COMMD6: variants seen among roughly 807,000 people sequenced by gnomAD.
COMMD6 encodes the protein COMM domain containing 6.
In COMMD6, 11 loss-of-function variants were observed where a neutral mutation model predicts 13.4. The observed-to-expected ratio is 0.82, with a 90% CI of 0.52 to 1.36. The LOEUF is 1.36. COMMD6 is among the 40% of genes most tolerant of loss of function. The probability of loss-of-function intolerance (pLI) is 0.00; values close to 1 mark genes in which losing one functional copy is unlikely to be tolerated. For synonymous variants in COMMD6, 43 were observed against 36.5 expected (o/e 1.18, Z -0.64); for missense variants, 124 against 102.4 (o/e 1.21, Z -0.91).
At chr13:75,540,794 C>A (rs944177592), upstream of COMMD6, among the ~76,000 whole-genome samples, 21 of 152,162 alleles carry the variant, frequency 1.4e-4, no homozygotes, top group Non-Finnish European at 1.5e-5. Context: ...TTTTGGAGCT[C>A]TTACAGTAAG....
chr13:75,539,723 G>T (rs58213492), upstream of COMMD6, among the ~76,000 whole-genome samples: 6,687 of 152,070 alleles, frequency 0.044, 513 homozygotes, highest in African/African-American at 0.15. Context: ...ATTAGTTAAT[G>T]CATGTTAAGC....
At chr13:75,531,117 A>T (rs987465403) in intron 2 of COMMD6, among the ~76,000 whole-genome samples, 1 of 152,194 alleles carries the variant, frequency 6.6e-6, no homozygotes, top group Non-Finnish European at 1.5e-5. Context: ...TACAAAACTA[A>T]TGCTCACTGG....
chr13:75,540,892 C>T (rs574539080), upstream of COMMD6, among the ~76,000 whole-genome samples: 5 of 152,198 alleles, frequency 3.3e-5, no homozygotes, highest in Non-Finnish European at 4.4e-5. Flanking sequence ...ATGTAAAAAA[C>T]GAAATTGGTA....
rs1336099560 is a variant in COMMD6 at position 75,525,905 on chromosome 13, AAC to A, written c.*682_*683del. ...ACAACAGGTTTATGTATTTAAATTC[AAC>A]AGAGATCATCTAATGCAATAACTTG... is the stretch of plus-strand genomic sequence containing the variant. On this transcript the variant is annotated 3_prime_UTR_variant, in exon 4 of 4. Transcript: ENST00000682242. The A allele has an allele frequency of 1.3e-5, 2 of 152,264 alleles. No homozygotes were observed. Among genetic ancestry groups the A allele is most frequent in the Non-Finnish European group, 2.9e-5 (2 of 68,048 alleles). The allele number at this position is 152,264 out of a possible 1,614,324, so 9.4% of individuals were successfully genotyped here. A position where few individuals can be genotyped will look rare whatever the true frequency, so the allele number is the denominator to read the frequency against.
At chr13:75,537,337 T>A (rs1159867625) in intron 2 of COMMD6, 2 of 1,550,430 alleles carry the variant, frequency 1.3e-6, no homozygotes, top group African/African-American at 2.7e-5. Context: ...TGCGGTGCTA[T>A]CTCTGCAAAT....
chr13:75,531,962 A>C (rs1383302119), intron 2 of COMMD6, among the ~76,000 whole-genome samples: 4 of 152,266 alleles, frequency 2.6e-5, no homozygotes, highest in African/African-American at 9.6e-5. Flanking sequence ...GTTCAACAGA[A>C]ATAAAATGGA....
At chr13:75,540,436 G>A (rs35596538), upstream of COMMD6, among the ~76,000 whole-genome samples, 22,024 of 151,536 alleles carry the variant, frequency 0.15, 1,686 homozygotes, top group African/African-American at 0.17. Context: ...ATTTTAAAAG[G>A]TATTTTTTGT....
upstream of COMMD6, among the ~76,000 whole-genome samples, chr13:75,538,283 C>T (rs1336962186): frequency 1.3e-5 from 2 of 152,244 alleles, no homozygotes; most frequent in South Asian, 2.1e-4. Context: ...GTGGGCGGGG[C>T]ATGCTTTCCA....
chr13:75,527,968 G>A (rs745742061), intron 3 of COMMD6: 71 of 1,172,114 alleles, frequency 6.1e-5, no homozygotes, highest in Non-Finnish European at 7.3e-5. Flanking sequence ...TTGTTTACTT[G>A]AAATTTGCTA....
chr13:75,546,911 G>A (rs961203250), intron 1 of COMMD6, among the ~76,000 whole-genome samples: 1 of 152,186 alleles, frequency 6.6e-6, no homozygotes, highest in African/African-American at 2.4e-5. Context: ...GGGAAATACA[G>A]GTTAGGTTCC....
At chr13:75,543,293 G>T (rs1196102677), upstream of COMMD6, among the ~76,000 whole-genome samples, 1 of 152,028 alleles carries the variant, frequency 6.6e-6, no homozygotes, top group Non-Finnish European at 1.5e-5. Flanking sequence ...ATTTACCCAT[G>T]TAACAAACCT....
At chr13:75,540,339 CACA>C (rs2030806010), upstream of COMMD6, among the ~76,000 whole-genome samples, 1 of 103,664 alleles carries the variant, frequency 9.6e-6, no homozygotes, top group Non-Finnish European at 1.9e-5. Flanking sequence ...CACACACACA[CACA>C]CCCACACACA....
At chr13:75,540,344 CCACACACACACA>C (rs59520333), upstream of COMMD6, among the ~76,000 whole-genome samples, 1 of 147,276 alleles carries the variant, frequency 6.8e-6, no homozygotes. Flanking sequence ...ACACACACAC[CCACACACACACA>C]CACACACACA....
intron 2 of COMMD6, chr13:75,537,359 C>A: frequency 6.4e-7 from 1 of 1,550,756 alleles, no homozygotes; most frequent in Non-Finnish European, 8.7e-7. Context: ...TTCCTAACTT[C>A]TTTATCCAAC....
upstream of COMMD6, among the ~76,000 whole-genome samples, chr13:75,539,477 T>A (rs1377641408): frequency 1.3e-5 from 2 of 152,086 alleles, no homozygotes; most frequent in South Asian, 4.1e-4. Flanking sequence ...TGTCCTCACG[T>A]AATCCACCCA....
At chr13:75,537,241 T>C in intron 2 of COMMD6, 1 of 1,340,298 alleles carries the variant, frequency 7.5e-7, no homozygotes, top group Admixed American at 2.5e-5. Flanking sequence ...GTCAAATTCA[T>C]ATTCCTAGCA....
At chr13:75,535,338 AAAGCTCT>A (rs2030628108) in intron 2 of COMMD6, among the ~76,000 whole-genome samples, 2 of 152,230 alleles carry the variant, frequency 1.3e-5, no homozygotes, top group African/African-American at 4.8e-5. Context: ...AATCTCTTAA[AAAGCTCT>A]GAGTAGCGGA....
chr13:75,547,036 A>T (rs2030914995), intron 1 of COMMD6, among the ~76,000 whole-genome samples: 1 of 152,330 alleles, frequency 6.6e-6, no homozygotes, highest in Admixed American at 6.5e-5. Context: ...ATTAGCATTG[A>T]ACTACAGCCA....
chr13:75,526,678 T>C (rs2030275628), intron 3 of COMMD6, 39 bp from the exon 4 acceptor site: 1 of 1,425,542 alleles, frequency 7.0e-7, no homozygotes, highest in African/African-American at 1.4e-5. Context: ...ATTTTGCTTT[T>C]AGAAGATATT....
Sources: gnomAD v4.1 joint callset for allele counts (sites outside exome capture counted in the v4.1 genomes callset) on GRCh38, gnomAD v4.1.1 for gene constraint, MANE v1.5 for transcripts, NCBI Gene and HGNC (gene_info 2026-07-23, HGNC 2026-07-21) for gene names.